The following ULK4 variants were observed in gnomAD, a reference collection of about 807,000 sequenced individuals.
ULK4 encodes unc-51 like kinase 4, also known as inactive serine/threonine-protein kinase ULK4.
Under a neutral mutation model 160.6 loss-of-function variants are expected in ULK4, and 133 were observed. That is an observed-to-expected ratio of 0.83 (90% CI 0.72 to 0.96). The LOEUF is 0.96. Among genes scored for constraint, ULK4 ranks in the 40% least tolerant of loss-of-function variants. The pLI, the probability that ULK4 is intolerant of heterozygous loss-of-function variation, is 0.00. For missense variants in ULK4, 1,580 were observed against 1,499.5 expected (o/e 1.05, Z -0.89); for synonymous variants, 534 against 539.8 (o/e 0.99, Z 0.15).
At chr3:41,488,195 T>C (rs756472482) in intron 32 of ULK4, among the ~76,000 whole-genome samples, 5 of 152,188 alleles carry the variant, frequency 3.3e-5, no homozygotes, top group Admixed American at 1.3e-4. Context: ...ATATTACAGA[T>C]ATTTGAGAGT....
chr3:41,935,217 T>A (rs113751721), intron 4 of ULK4, among the ~76,000 whole-genome samples: 95 of 1,930 alleles, frequency 0.049, no homozygotes, highest in Admixed American at 0.056. Flanking sequence ...TTATTTTTTT[T>A]TTTTTTTTTT....
At chr3:41,582,852 A>G (rs1432374153) in intron 31 of ULK4, among the ~76,000 whole-genome samples, 1 of 152,252 alleles carries the variant, frequency 6.6e-6, no homozygotes, top group Non-Finnish European at 1.5e-5. Context: ...TTAGTTGTAG[A>G]TATGCCTGAA....
intron 34 of ULK4, among the ~76,000 whole-genome samples, chr3:41,454,290 A>G (rs1434534361): frequency 6.6e-6 from 1 of 150,864 alleles, no homozygotes; most frequent in Admixed American, 6.7e-5. Flanking sequence ...CTGTAATCCC[A>G]GCAATTTGGG....
At chr3:41,374,959 G>A (rs1442025919) in intron 35 of ULK4, among the ~76,000 whole-genome samples, 1 of 152,056 alleles carries the variant, frequency 6.6e-6, no homozygotes, top group East Asian at 1.9e-4. Flanking sequence ...CAAAATCAAT[G>A]TGCAAAAATC....
At chr3:41,543,185 G>A (rs1004485503) in intron 32 of ULK4, among the ~76,000 whole-genome samples, 1 of 152,070 alleles carries the variant, frequency 6.6e-6, no homozygotes, top group African/African-American at 2.4e-5. Flanking sequence ...TTAAATGAAA[G>A]TGTCTATAGT....
chr3:41,572,424 C>G (rs1473973237), intron 31 of ULK4, among the ~76,000 whole-genome samples: 2 of 152,106 alleles, frequency 1.3e-5, no homozygotes, highest in Non-Finnish European at 2.9e-5. Flanking sequence ...GTCCCCTCCC[C>G]CCACCACTGG....
chr3:41,767,487 T>C (rs1356358871), intron 21 of ULK4, among the ~76,000 whole-genome samples: 4 of 152,342 alleles, frequency 2.6e-5, no homozygotes, highest in Non-Finnish European at 5.9e-5. Flanking sequence ...CTATGTCTTA[T>C]CTATTTACAG....
At chr3:41,541,176 C>A (rs1196761558) in intron 32 of ULK4, among the ~76,000 whole-genome samples, 5 of 152,160 alleles carry the variant, frequency 3.3e-5, no homozygotes, top group Admixed American at 3.3e-4. Context: ...ACATTGAAGT[C>A]TTTAATCCAT....
In ULK4 at chr3:41,931,910, C is replaced by G; in HGVS notation, c.475G>C (p.Ala159Pro). 1.2e-6 allele frequency: 2 copies of G among 1,614,112 alleles called. No homozygotes were observed. Among genetic ancestry groups the G allele is most frequent in the Non-Finnish European group, 1.7e-6 (2 of 1,180,026 alleles). Residue 159 changes from alanine (A) to proline (P), a missense_variant, in exon 5 of 37, where the codon GCA becomes CCA. By Grantham distance (27) the Ala-to-Pro change is conservative (BLOSUM62 -1). Transcript: ENST00000301831. ...CCATTATCACCTCCTCCTTCCTCTG[C>G]TGCCACCAAAGCAAAGAACTCTTCC... The part of the protein sequence containing the change: ...NLEEFFALVA[A>P]EEGGGDNGEN...
At chr3:41,815,730 T>C (rs1482922420) in intron 19 of ULK4, among the ~76,000 whole-genome samples, 1 of 152,164 alleles carries the variant, frequency 6.6e-6, no homozygotes, top group African/African-American at 2.4e-5. Context: ...CTACCTTAAA[T>C]TGGGTCTGGA....
chr3:41,293,545 A>C (rs1426963880), intron 35 of ULK4, among the ~76,000 whole-genome samples: 1 of 152,170 alleles, frequency 6.6e-6, no homozygotes, highest in Non-Finnish European at 1.5e-5. Flanking sequence ...ATCATAGAGG[A>C]ATCTCTGAAG....
At chr3:41,875,965 CAAA>C (rs1221477204) in intron 17 of ULK4, among the ~76,000 whole-genome samples, 2 of 68,746 alleles carry the variant, frequency 2.9e-5, no homozygotes, top group South Asian at 5.0e-4. Flanking sequence ...ATGTTCTTAC[CAAA>C]AAAAAAAAAA....
intron 30 of ULK4, among the ~76,000 whole-genome samples, chr3:41,660,880 G>A (rs1482136667): frequency 6.6e-6 from 1 of 152,098 alleles, no homozygotes; most frequent in Non-Finnish European, 1.5e-5. Flanking sequence ...AGTAATTTCA[G>A]TCAACAAAAT....
At chr3:41,914,660 C>T (rs1369828934) in intron 8 of ULK4, 1 of 152,172 alleles carries the variant, frequency 6.6e-6, no homozygotes, top group Non-Finnish European at 1.5e-5. Flanking sequence ...TATTCCAAAT[C>T]AAGAGGCATT....
chr3:41,897,062 A>T, intron 14 of ULK4, 59 bp from the exon 15 acceptor site: 1 of 1,439,804 alleles, frequency 6.9e-7, no homozygotes, highest in Non-Finnish European at 9.5e-7. Flanking sequence ...TGCTGGAAAC[A>T]TTACATAAGA....
chr3:41,961,917 A>G (rs1576029428), intron 1 of ULK4, 99 bp downstream of exon 1: 1 of 151,834 alleles, frequency 6.6e-6, no homozygotes, highest in Non-Finnish European at 1.5e-5. Context: ...GCCAGGCGCC[A>G]CCACCCACCC....
chr3:41,878,050 C>T (rs1697374810), intron 17 of ULK4, among the ~76,000 whole-genome samples: 1 of 146,598 alleles, frequency 6.8e-6, no homozygotes, highest in Non-Finnish European at 1.5e-5. Flanking sequence ...AACAATAGTA[C>T]CTAGATCTAA....
At chr3:41,833,287 T>G (rs1433103826) in intron 18 of ULK4, among the ~76,000 whole-genome samples, 3 of 122,944 alleles carry the variant, frequency 2.4e-5, no homozygotes, top group Admixed American at 8.0e-5. Context: ...TTTTTTTTTG[T>G]TTTTTTTTTT....
At chr3:41,523,568 A>G (rs2086008616) in intron 32 of ULK4, among the ~76,000 whole-genome samples, 1 of 152,298 alleles carries the variant, frequency 6.6e-6, no homozygotes, top group East Asian at 1.9e-4. Flanking sequence ...GGATTTTTTT[A>G]AAAACCACAT....
Sources: allele counts gnomAD v4.1 joint callset (sites outside exome capture counted in the v4.1 genomes callset), GRCh38; gene constraint gnomAD v4.1.1; transcripts MANE v1.5; gene names NCBI Gene and HGNC (gene_info 2026-07-23, HGNC 2026-07-21).